Variants in JMJD6 observed in about 807,000 individuals in gnomAD.
The protein encoded by JMJD6 is jumonji domain containing 6, arginine demethylase and lysine hydroxylase, also known as bifunctional arginine demethylase and lysyl-hydroxylase JMJD6.
A neutral mutation model predicts 45.8 loss-of-function variants in JMJD6; 17 were observed. The ratio of observed to expected loss-of-function variants is 0.37; its 90% confidence interval spans 0.25 to 0.56. The LOEUF (loss-of-function observed/expected upper bound fraction) is 0.56, where lower values mean the gene tolerates loss of function less well. Among genes scored for constraint, JMJD6 ranks in the 20% least tolerant of loss-of-function variants. The pLI, the probability that JMJD6 is intolerant of heterozygous loss-of-function variation, is 0.79. For missense variants in JMJD6, 470 were observed against 517.5 expected (o/e 0.91, Z 0.89); for synonymous variants, 221 against 196.3 (o/e 1.13, Z -1.05).
chr17:76,720,526 T>G (rs1286522255), intron 4 of JMJD6, 28 bp from the exon 5 acceptor site: 1 of 1,610,872 alleles, frequency 6.2e-7, no homozygotes, highest in East Asian at 2.2e-5. Flanking sequence ...TTGTTCTCAG[T>G]GCACTGACAG....
Position 76,718,927 on chromosome 17 carries a change from C to T in JMJD6, c.1081-67G>A, listed in dbSNP as rs2076791066. The T allele has an allele frequency of 2.6e-6, 4 of 1,519,114 alleles. No homozygotes were observed. The African/African-American group carries it at 5.5e-5, about 21-fold the overall frequency. The allele number at this position is 1,519,114 out of a possible 1,614,324, so 94.1% of individuals were successfully genotyped here. ...CAACCCACTTCTTCATTAAACAAAC[C>T]TCTGACCTCGGGAGACAGCACAGAT... On this transcript the variant is annotated intron_variant, in intron 5 of 5. Transcript: ENST00000397625.
intron 3 of JMJD6, among the ~76,000 whole-genome samples, chr17:76,723,360 G>C (rs972059427): frequency 1.3e-5 from 2 of 152,082 alleles, no homozygotes; most frequent in Admixed American, 1.3e-4. Context: ...CATTTACCAG[G>C]CAGCATCCAA....
chr17:76,726,314 C>T (rs1359897463), intron 1 of JMJD6, 33 bp downstream of exon 1: 2 of 1,535,388 alleles, frequency 1.3e-6, no homozygotes, highest in Admixed American at 4.1e-5. Context: ...GGTGCCGATG[C>T]CCGGCCTGGC....
In JMJD6 at chr17:76,725,595, A is replaced by G; in HGVS notation, c.390T>C (p.Leu130=). The G allele has an allele frequency of 6.2e-7, 1 of 1,614,032 alleles. No individual in the cohort carries two copies. The highest frequency in any genetic ancestry group is 8.5e-7 in the Non-Finnish European group (1 of 1,180,000). Residue 130 remains leucine, a synonymous_variant, in exon 2 of 6, where the codon CTT becomes CTC. Transcript: ENST00000397625. ...CACCATAGCTGCTGTCAAAGATGTA[A>G]AGGGGACTATCATCTCGAGTGCTCT... ...YMESTRDDSP[L]YIFDSSYGEH...
At chr17:76,716,753 A>G (rs757020806), downstream of JMJD6, 7 of 1,613,598 alleles carry the variant, frequency 4.3e-6, no homozygotes, top group Non-Finnish European at 5.9e-6. Flanking sequence ...GCCTGTAATC[A>G]GCACGTAGAC....
At chr17:76,718,150 G>T (rs969785450), downstream of JMJD6, among the ~76,000 whole-genome samples, 1 of 116,122 alleles carries the variant, frequency 8.6e-6, no homozygotes, top group Non-Finnish European at 1.7e-5. Flanking sequence ...GCAAGAGCGA[G>T]ACCCTGTCTC....
intron 2 of JMJD6, among the ~76,000 whole-genome samples, chr17:76,725,125 C>A (rs1264099964): frequency 1.3e-5 from 2 of 152,120 alleles, no homozygotes; most frequent in African/African-American, 4.8e-5. Context: ...ATTTTAACCA[C>A]AGGCCGGGCG....
At chr17:76,716,829 T>C (rs752139857), downstream of JMJD6, 1 of 1,096,912 alleles carries the variant, frequency 9.1e-7, no homozygotes, top group East Asian at 2.4e-5. Context: ...CACGTGGAAG[T>C]CATGGCAGGG....
At position 76,718,714 on chromosome 17, in the gene JMJD6, A is replaced by C. The variant is rs758673872; in HGVS notation, c.*15T>G. 34 of 1,613,204 alleles carry C rather than the reference A, an allele frequency of 2.1e-5. 1 individual carries two copies. In the South Asian group the frequency reaches 3.7e-4, roughly 18 times the overall value. ...CGCGAGCGTGTCCTTCCATACAGACAACAGCCTTGCTGGGTCACCTGGAGG... is the reference window on the plus strand; with the variant it reads ...CGCGAGCGTGTCCTTCCATACAGACCACAGCCTTGCTGGGTCACCTGGAGG... On this transcript the variant is annotated 3_prime_UTR_variant, in exon 6 of 6. Coordinates refer to ENST00000397625, the MANE Select transcript of JMJD6 (RefSeq NM_015167.3).
rs185910854 is a variant in JMJD6 at position 76,722,107 on chromosome 17, G to A, written c.806-174C>T. Among the ~76,000 whole-genome samples the A allele has an allele frequency of 8.1e-4, 124 of 152,316 alleles. No individual in the cohort carries two copies. In the South Asian group the frequency reaches 0.013, roughly 17 times the overall value. On this transcript the variant is annotated intron_variant, in intron 3 of 5. Coordinates refer to ENST00000397625, the MANE Select transcript of JMJD6 (RefSeq NM_015167.3). ...CAAACAACTTGTTTGTGTAAATCAAGTTTTATCGGAGCACAGCCATGCCCA... is the reference window on the plus strand; with the variant it reads ...CAAACAACTTGTTTGTGTAAATCAAATTTTATCGGAGCACAGCCATGCCCA...
chr17:76,723,526 C>T (rs891079645), intron 3 of JMJD6, among the ~76,000 whole-genome samples: 7 of 151,550 alleles, frequency 4.6e-5, no homozygotes, highest in African/African-American at 1.2e-4. Flanking sequence ...CTGCAACCTT[C>T]GCCACCTGGG....
intron 4 of JMJD6, chr17:76,720,755 C>T: frequency 2.8e-6 from 1 of 357,932 alleles, no homozygotes. Flanking sequence ...AATGAGCCAG[C>T]CGTGCCACCA....
chr17:76,716,652 C>T (rs368287192), downstream of JMJD6: 30 of 1,611,692 alleles, frequency 1.9e-5, no homozygotes, highest in African/African-American at 3.9e-4. Context: ...AAAGCTTACG[C>T]TGAAAGCACC....
At position 76,718,784 on chromosome 17, in the gene JMJD6, C is replaced by A. The variant is rs1193903498; in HGVS notation, c.1157G>T (p.Gly386Val). ...ACAGTCGTCCTGGGAGGTGGTGTCCCCGTTTCCCACCATGCTGCACGTCCT... is the reference window on the plus strand; with the variant it reads ...ACAGTCGTCCTGGGAGGTGGTGTCCACGTTTCCCACCATGCTGCACGTCCT... ...KRRTCSMVGNGDTTSQDDCVS... is the reference protein window; with the variant it reads ...KRRTCSMVGNVDTTSQDDCVS... The change falls in exon 6 of 6, where the codon GGG becomes GTG. Residue 386 changes from glycine (G) to valine (V), a missense_variant. Coordinates refer to ENST00000397625, the MANE Select transcript of JMJD6 (RefSeq NM_015167.3). 1.9e-6 allele frequency: 3 copies of A among 1,614,222 alleles called. No individual in the cohort carries two copies. The highest frequency in any genetic ancestry group is 2.5e-6 in the Non-Finnish European group (3 of 1,180,042).
intron 4 of JMJD6, chr17:76,721,222 AG>A (rs1367552515): frequency 2.9e-6 from 1 of 346,458 alleles, no homozygotes; most frequent in Non-Finnish European, 6.2e-6. Flanking sequence ...CCCTCTCAGC[AG>A]GGAGGCTGAG....
In JMJD6 at chr17:76,720,353, G is replaced by A. The variant is rs766430385; in HGVS notation, c.1080+7C>T. 1 of 1,613,866 alleles carries A rather than the reference G, an allele frequency of 6.2e-7. No homozygotes were observed. The highest frequency in any genetic ancestry group is 1.1e-5 in the South Asian group (1 of 91,072). The stretch of plus-strand genomic sequence containing the variant: ...CTCCAGGAGTCAGCCAGAGAGCAAG[G>A]CCTCACCTCTGAGTCGGAGTCTGAC... On this transcript the variant is annotated splice_region_variant and intron_variant, in intron 5 of 5. Transcript: ENST00000397625.
At position 76,725,538 on chromosome 17, in the gene JMJD6, G is replaced by T; in HGVS notation, c.447C>A (p.Asp149Glu). 1 of 1,614,002 alleles carries T rather than the reference G, an allele frequency of 6.2e-7. No homozygotes were observed. The highest frequency in any genetic ancestry group is 1.3e-5 in the African/African-American group (1 of 74,980). ...CAGTGAAAAACTTTGGCACCTTGTA[G>T]TCTTCCAAAAGTTTCCTTCTTTTAG... ...EHPKRRKLLE[D>E]YKVPKFFTDD... Residue 149 changes from aspartate to glutamate, a missense_variant, in exon 2 of 6, where the codon GAC (aspartate) becomes GAA (glutamate). By Grantham distance (45) the Asp-to-Glu change is conservative. Transcript: ENST00000397625.
rs1006926626 is a variant in JMJD6 at position 76,726,537 on chromosome 17, G to A, written c.-62C>T. The A allele has an allele frequency of 2.3e-5, 36 of 1,532,180 alleles. No homozygotes were observed. In the African/African-American group the frequency reaches 4.4e-4, roughly 19 times the overall value. The allele number at this position is 1,532,180 out of a possible 1,614,324, so 94.9% of individuals were successfully genotyped here. ...GCGCAGCCCGCTTCCTGACACTAACGCACCCCTCCCCGGCCTGGGCGGCGG... is the reference window on the plus strand; with the variant it reads ...GCGCAGCCCGCTTCCTGACACTAACACACCCCTCCCCGGCCTGGGCGGCGG... On this transcript the variant is annotated 5_prime_UTR_variant, in exon 1 of 6. Transcript: ENST00000397625.
intron 3 of JMJD6, among the ~76,000 whole-genome samples, chr17:76,722,406 G>A (rs2076836856): frequency 1.3e-5 from 2 of 152,206 alleles, no homozygotes; most frequent in African/African-American, 2.4e-5. Flanking sequence ...AACACGGACA[G>A]TGCTATACTG....
Sources: allele counts gnomAD v4.1 joint callset (sites outside exome capture counted in the v4.1 genomes callset), GRCh38; gene constraint gnomAD v4.1.1; transcripts MANE v1.5; gene names NCBI Gene and HGNC (gene_info 2026-07-23, HGNC 2026-07-21).